The following PCDHGA5 variants were observed in gnomAD, a reference collection of about 807,000 sequenced individuals.
PCDHGA5 encodes protocadherin gamma subfamily A, 5, also known as protocadherin gamma-A5.
A neutral mutation model predicts 56.7 loss-of-function variants in PCDHGA5; 36 were observed. That is an observed-to-expected ratio of 0.64 (90% CI 0.49 to 0.84). The LOEUF (loss-of-function observed/expected upper bound fraction) is 0.84, where lower values mean the gene tolerates loss of function less well. Among genes scored for constraint, PCDHGA5 ranks in the 40% least tolerant of loss-of-function variants. PCDHGA5 has a pLI of 0.00. For missense variants in PCDHGA5, 1,305 were observed against 1,201.5 expected (o/e 1.09, Z -1.27); for synonymous variants, 563 against 520.2 (o/e 1.08, Z -1.12).
chr5:141,422,432 A>G, intron 1 of PCDHGA5: 1 of 1,609,448 alleles, frequency 6.2e-7, no homozygotes, highest in Non-Finnish European at 8.5e-7. Context: ...TATGGAAATT[A>G]TTACAAATTG....
intron 1 of PCDHGA5, chr5:141,421,633 G>C (rs1369645749): frequency 1.9e-6 from 3 of 1,613,716 alleles, no homozygotes; most frequent in Non-Finnish European, 2.5e-6. Context: ...CAGCTTCCAG[G>C]AGGACGAAGT....
Position 141,398,804 on chromosome 5 carries a change from C to G in PCDHGA5, c.2421+32053C>G, listed in dbSNP as rs1283760076. 9 of 1,613,894 alleles carry G rather than the reference C, an allele frequency of 5.6e-6. No homozygotes were observed. In the South Asian group the frequency reaches 8.8e-5, roughly 16 times the overall value. On this transcript the variant is annotated intron_variant, in intron 1 of 3. Coordinates refer to ENST00000518069, the MANE Select transcript of PCDHGA5 (RefSeq NM_018918.3). ...GGACATCCACCCCTAAGCGGCACCA[C>G]TGAGCTCCGGATCCAGGTAACCGAC... is the stretch of plus-strand genomic sequence containing the variant.
chr5:141,508,627 C>T (rs566012494), intron 3 of PCDHGA5, among the ~76,000 whole-genome samples: 1 of 152,262 alleles, frequency 6.6e-6, no homozygotes, highest in South Asian at 2.1e-4. Flanking sequence ...GTGGGCCGAG[C>T]TTCTAGCTAC....
intron 2 of PCDHGA5, among the ~76,000 whole-genome samples, chr5:141,503,780 T>G (rs779791247): frequency 7.2e-5 from 11 of 152,124 alleles, no homozygotes; most frequent in Non-Finnish European, 1.3e-4. Flanking sequence ...GTTCTTAGGC[T>G]GAGTTCATCT....
At chr5:141,421,371 T>C in intron 1 of PCDHGA5, 2 of 1,614,028 alleles carry the variant, frequency 1.2e-6, no homozygotes, top group Non-Finnish European at 1.7e-6. Flanking sequence ...TCGTGGGCAA[T>C]ATCTCCAAGG....
Position 141,491,670 on chromosome 5 carries a change from C to T in PCDHGA5, c.2422-3137C>T. The T allele has an allele frequency of 2.5e-6, 4 of 1,613,768 alleles. No individual in the cohort carries two copies. Among genetic ancestry groups the T allele is most frequent in the South Asian group, 1.1e-5 (1 of 91,082 alleles). On this transcript the variant is annotated intron_variant, in intron 1 of 3. Coordinates refer to ENST00000518069, the MANE Select transcript of PCDHGA5 (RefSeq NM_018918.3). The surrounding 1 kb of genome is among the most constrained non-coding windows in gnomAD (Gnocchi z 6.9). ...CGCTGGAGCCTGACGCCATCCGGTC[C>T]CGCTCTAATACGCTGCGGGAGCGGA...
At chr5:141,379,080 G>C (rs1467577464) in intron 1 of PCDHGA5, 1 of 152,176 alleles carries the variant, frequency 6.6e-6, no homozygotes, top group Non-Finnish European at 1.5e-5. Flanking sequence ...ATCTGAATTT[G>C]TTATGAATGT....
chr5:141,389,874 G>A, intron 1 of PCDHGA5: 1 of 1,614,072 alleles, frequency 6.2e-7, no homozygotes, highest in Non-Finnish European at 8.5e-7. Context: ...GGTCTTCGCC[G>A]ACAGCTTGCA....
At chr5:141,502,953 C>G (rs145774277) in intron 2 of PCDHGA5, among the ~76,000 whole-genome samples, 1,594 of 147,762 alleles carry the variant, frequency 0.011, 24 homozygotes, top group African/African-American at 0.037. Context: ...AAGCGATTCT[C>G]CTGCCTCAGC....
chr5:141,447,942 T>C (rs1476141059), intron 1 of PCDHGA5, among the ~76,000 whole-genome samples: 2 of 151,740 alleles, frequency 1.3e-5, no homozygotes, highest in African/African-American at 4.8e-5. Context: ...AAAAATTAGC[T>C]GGGCATGGTG....
At chr5:141,398,343 G>A (rs1393305647) in intron 1 of PCDHGA5, 6 of 1,380,544 alleles carry the variant, frequency 4.3e-6, no homozygotes, top group Non-Finnish European at 6.0e-6. Context: ...GTTCGGAGAA[G>A]CCTTACTTCA....
chr5:141,372,133 G>T (rs576893125), intron 1 of PCDHGA5: 18 of 1,613,666 alleles, frequency 1.1e-5, no homozygotes, highest in East Asian at 2.2e-5. Flanking sequence ...ATGGTGCCGC[G>T]CTCTGCAGAG....
rs1050545030 is a variant in PCDHGA5, at chr5:141,410,711, A to G, written c.2421+43960A>G. The G allele has an allele frequency of 4.2e-6, 6 of 1,436,568 alleles. No individual in the cohort carries two copies. In the African/African-American group the frequency reaches 7.6e-5, roughly 18 times the overall value. The allele number at this position is 1,436,568 out of a possible 1,614,324, so 89.0% of individuals were successfully genotyped here. A position where few individuals can be genotyped will look rare whatever the true frequency, so the allele number is the denominator to read the frequency against. ...CTACTTTATTTTCATATCTAGAATC[A>G]TATGTTTAAAATCCATAGCTTTTTA... On this transcript the variant is annotated intron_variant, in intron 1 of 3. Transcript: ENST00000518069.
intron 1 of PCDHGA5, chr5:141,398,909 T>A: frequency 6.2e-7 from 1 of 1,613,984 alleles, no homozygotes; most frequent in Non-Finnish European, 8.5e-7. Context: ...GGCACCACTG[T>A]GTTGCAAGTG....
chr5:141,471,046 C>CTTTT (rs1170588345), intron 1 of PCDHGA5, among the ~76,000 whole-genome samples: 3 of 113,278 alleles, frequency 2.6e-5, no homozygotes, highest in African/African-American at 7.1e-5. Flanking sequence ...CCCAAGCCCT[C>CTTTT]TTTTTTTTTT....
chr5:141,391,775 A>T (rs996921581), intron 1 of PCDHGA5: 1 of 152,210 alleles, frequency 6.6e-6, no homozygotes, highest in Non-Finnish European at 1.5e-5. Flanking sequence ...TTATATAGTC[A>T]TTACTTTTTG....
Position 141,431,804 on chromosome 5 carries a change from C to G in PCDHGA5, c.2422-63003C>G. On this transcript the variant is annotated intron_variant, in intron 1 of 3. Transcript: ENST00000518069. This position sits in a 1 kb window ranked among gnomAD's most constrained non-coding sequence, Gnocchi z 4.8. Reference sequence around the variant, plus strand: ...GAACGACAATGCCCCAGAAGTGGTCCTCACCTCTCTCGCCAGCTCGGTTCC... The same window carrying G: ...GAACGACAATGCCCCAGAAGTGGTCGTCACCTCTCTCGCCAGCTCGGTTCC... 6.2e-7 allele frequency: 1 copy of G among 1,614,232 alleles called. No homozygotes were observed. The highest frequency in any genetic ancestry group is 1.3e-5 in the African/African-American group (1 of 75,056).
In PCDHGA5 at chr5:141,365,873, T is replaced by C; in HGVS notation, c.1543T>C (p.Tyr515His). Residue 515 changes from tyrosine (Y) to histidine (H), a missense_variant, in exon 1 of 4, where the codon TAT (tyrosine) becomes CAT (histidine). Tyr to His is a moderately conservative substitution (Grantham distance 83). Coordinates refer to ENST00000518069, the MANE Select transcript of PCDHGA5 (RefSeq NM_018918.3). ...CATTAACTCTGACACCGGTGTCCTG[T>C]ATGCTCTGAGATCCTTCGACTATGA... ...VSINSDTGVL[Y>H]ALRSFDYEQL... 2 of 1,614,096 alleles carry C rather than the reference T, an allele frequency of 1.2e-6. No individual in the cohort carries two copies. The highest frequency in any genetic ancestry group is 1.7e-6 in the Non-Finnish European group (2 of 1,179,942).
chr5:141,394,789 C>G (rs747304715), intron 1 of PCDHGA5: 1 of 1,613,728 alleles, frequency 6.2e-7, no homozygotes, highest in Non-Finnish European at 8.5e-7. Context: ...GCCACTGTCA[C>G]GCTCACCGTA....
Sources: allele counts gnomAD v4.1 joint callset (sites outside exome capture counted in the v4.1 genomes callset), GRCh38; gene constraint gnomAD v4.1.1; non-coding constraint Gnocchi (gnomAD v3.1); transcripts MANE v1.5; gene names NCBI Gene and HGNC (gene_info 2026-07-23, HGNC 2026-07-21).